Variants in ALOX5 observed in about 807,000 individuals in gnomAD.
ALOX5 encodes arachidonate 5-lipoxygenase.
A neutral mutation model predicts 87.9 loss-of-function variants in ALOX5; 64 were observed. The observed-to-expected ratio is 0.73, with a 90% confidence interval of 0.60 to 0.90. The LOEUF (loss-of-function observed/expected upper bound fraction) is 0.90. ALOX5 is among the 40% of genes least tolerant of loss of function. ALOX5 has a pLI of 0.00. For missense variants in ALOX5, 822 were observed against 907.5 expected (o/e 0.91, Z 1.21); for synonymous variants, 388 against 355.1 (o/e 1.09, Z -1.04).
At chr10:45,426,412 C>T (rs929122927) in intron 6 of ALOX5, among the ~76,000 whole-genome samples, 3 of 152,202 alleles carry the variant, frequency 2.0e-5, no homozygotes, top group Non-Finnish European at 4.4e-5. Context: ...CACACTGCCC[C>T]GTCTAATACA....
At chr10:45,379,580 G>A (rs1406075031) in intron 1 of ALOX5, among the ~76,000 whole-genome samples, 1 of 152,212 alleles carries the variant, frequency 6.6e-6, no homozygotes, top group African/African-American at 2.4e-5. Flanking sequence ...TCACGAAGTG[G>A]CCGTGACGCA....
At chr10:45,424,322 G>A (rs1327781170) in intron 5 of ALOX5, among the ~76,000 whole-genome samples, 175 bp downstream of exon 5, 2 of 152,092 alleles carry the variant, frequency 1.3e-5, no homozygotes, top group Non-Finnish European at 2.9e-5. Flanking sequence ...TACCATCACT[G>A]TGGTCACCCT....
chr10:45,374,492 G>A (rs1180259678), intron 1 of ALOX5, 63 bp downstream of exon 1: 13 of 1,393,542 alleles, frequency 9.3e-6, no homozygotes, highest in Admixed American at 3.3e-5. Context: ...CGGTTTGGAC[G>A]GCAGAGGCCT....
rs1028517162 is a variant in ALOX5 at position 45,374,741 on chromosome 10, C to T, written c.150+312C>T. ...TGGGAGGAGAAGGCCCAAGGTTTCC[C>T]CTCCACTTCAAGATCTGGGCTCCGA... On this transcript the variant is annotated intron_variant, in intron 1 of 13. Coordinates refer to ENST00000374391, the MANE Select transcript of ALOX5 (RefSeq NM_000698.5). 2.6e-4 allele frequency among the ~76,000 whole-genome samples: 39 copies of T among 152,170 alleles called. 1 individual carries two copies. The highest frequency in any genetic ancestry group is 7.4e-5 in the Non-Finnish European group (5 of 68,014).
At chr10:45,401,269 G>A (rs1564424270) in intron 3 of ALOX5, among the ~76,000 whole-genome samples, 1 of 152,080 alleles carries the variant, frequency 6.6e-6, no homozygotes, top group African/African-American at 2.4e-5. Flanking sequence ...GGGGCCTTTG[G>A]GAGCCAATAT....
chr10:45,427,607 C>T (rs1047681697), intron 6 of ALOX5, among the ~76,000 whole-genome samples: 1 of 152,230 alleles, frequency 6.6e-6, no homozygotes, highest in Non-Finnish European at 1.5e-5. Flanking sequence ...TCTGGGATGT[C>T]TCCAGGCAGA....
chr10:45,387,081 C>T (rs1840034048), intron 2 of ALOX5, among the ~76,000 whole-genome samples: 1 of 152,182 alleles, frequency 6.6e-6, no homozygotes, highest in African/African-American at 2.4e-5. Context: ...GGAGGGCTTT[C>T]CTGCATTCTC....
At position 45,409,852 on chromosome 10, in the gene ALOX5, G is replaced by A. The variant is rs1392896225; in HGVS notation, c.432-2339G>A. On this transcript the variant is annotated intron_variant, in intron 3 of 13. Coordinates refer to ENST00000374391, the MANE Select transcript of ALOX5 (RefSeq NM_000698.5). The stretch of plus-strand genomic sequence containing the variant: ...GACATAAACATTTGGTTTCAGGGGG[G>A]CAGTAGTGAACTAGCAAGCAAGCTG... 2.6e-5 allele frequency among the ~76,000 whole-genome samples: 4 copies of A among 152,222 alleles called. No individual in the cohort carries two copies. In the East Asian group the frequency reaches 7.7e-4, roughly 29 times the overall value.
intron 3 of ALOX5, among the ~76,000 whole-genome samples, chr10:45,411,880 C>A (rs1841076325): frequency 1.3e-5 from 2 of 152,204 alleles, no homozygotes; most frequent in Non-Finnish European, 2.9e-5. Flanking sequence ...TTCAATGTCA[C>A]CTCTAGTAAG....
At chr10:45,409,686 G>A (rs749855687) in intron 3 of ALOX5, among the ~76,000 whole-genome samples, 8 of 150,652 alleles carry the variant, frequency 5.3e-5, no homozygotes, top group Non-Finnish European at 1.0e-4. Context: ...TGTTCCTTCT[G>A]CCTGGGTGTT....
At chr10:45,383,639 C>T (rs558672394) in intron 2 of ALOX5, among the ~76,000 whole-genome samples, 321 of 151,554 alleles carry the variant, frequency 2.1e-3, no homozygotes, top group Non-Finnish European at 3.6e-3. Flanking sequence ...ATGACTGTTA[C>T]CCCCATTTTA....
In ALOX5 at chr10:45,443,411, GC is replaced by G. The variant is rs1245503048; in HGVS notation, c.1452-3del. Reference sequence around the variant, plus strand: ...CGCCCACCCCGGCTGCGCCCCCTGAGCCAGGTTCACGGCCGAGGTGGTAGAC... The same window carrying G: ...CGCCCACCCCGGCTGCGCCCCCTGAGCAGGTTCACGGCCGAGGTGGTAGAC... On this transcript the variant is annotated splice_region_variant and splice_polypyrimidine_tract_variant and intron_variant, in intron 10 of 13. Transcript: ENST00000374391. 1.9e-6 allele frequency: 3 copies of G among 1,601,100 alleles called. No homozygotes were observed. The highest frequency in any genetic ancestry group is 1.7e-6 in the Non-Finnish European group (2 of 1,174,210).
At chr10:45,428,585 C>G (rs1161712551) in intron 6 of ALOX5, 33 bp from the exon 7 acceptor site, 8 of 1,612,308 alleles carry the variant, frequency 5.0e-6, no homozygotes, top group Non-Finnish European at 6.8e-6. Flanking sequence ...GTCTGCTGAG[C>G]CTGATTTGGA....
chr10:45,445,564 C>T lies in ALOX5; in HGVS notation c.1902C>T (p.Ala634=). The change falls in exon 14 of 14, where the codon GCC becomes GCT. Residue 634 remains alanine (A), a synonymous_variant. Transcript: ENST00000374391. ...EHFIEKPVKE[A]MARFRKNLEA... ...TTATCGAGAAGCCTGTGAAGGAAGC[C>T]ATGGCCCGATTCCGCAAGAACCTCG... 1 of 1,614,184 alleles carries T rather than the reference C, an allele frequency of 6.2e-7. No homozygotes were observed. Among genetic ancestry groups the T allele is most frequent in the South Asian group, 1.1e-5 (1 of 91,084 alleles).
chr10:45,385,296 G>C (rs1172075970), intron 2 of ALOX5, among the ~76,000 whole-genome samples: 1 of 152,210 alleles, frequency 6.6e-6, no homozygotes, highest in Non-Finnish European at 1.5e-5. Context: ...GGGTGAACAT[G>C]AATGTCAGAG....
rs776942877 is a variant in ALOX5 at position 45,443,419 on chromosome 10, C to A, written c.1455C>A (p.Phe485Leu). ...GLLVWEAIRTFTAEVVDIYYE... is the reference protein window; with the variant it reads ...GLLVWEAIRTLTAEVVDIYYE... ...CCGGCTGCGCCCCCTGAGCCAGGTT[C>A]ACGGCCGAGGTGGTAGACATCTACT... The change falls in exon 11 of 14, where the codon TTC becomes TTA. Residue 485 changes from phenylalanine (F) to leucine (L), a missense_variant. By Grantham distance (22) the Phe-to-Leu change is conservative. Coordinates refer to ENST00000374391, the MANE Select transcript of ALOX5 (RefSeq NM_000698.5). 8.7e-6 allele frequency: 14 copies of A among 1,602,938 alleles called. No homozygotes were observed. In the Admixed American group the frequency reaches 1.9e-4, roughly 22 times the overall value.
chr10:45,440,318 C>T, intron 7 of ALOX5, 112 bp from the exon 8 acceptor site: 2 of 1,174,850 alleles, frequency 1.7e-6, no homozygotes, highest in Non-Finnish European at 2.4e-6. Flanking sequence ...ATTCCAAAGT[C>T]ACTGTTAAAG....
intron 2 of ALOX5, among the ~76,000 whole-genome samples, chr10:45,389,123 C>T (rs144152844): frequency 0.023 from 3,425 of 151,930 alleles, 124 homozygotes; most frequent in African/African-American, 0.078. Context: ...TGAAATGAAG[C>T]GAGAAGATAA....
chr10:45,415,025 G>T (rs1841222824), intron 4 of ALOX5, among the ~76,000 whole-genome samples: 1 of 152,352 alleles, frequency 6.6e-6, no homozygotes, highest in Middle Eastern at 3.4e-3. Context: ...AAGACAGTGT[G>T]ACGATTCCTC....
Sources: gnomAD v4.1 joint callset for allele counts (sites outside exome capture counted in the v4.1 genomes callset) on GRCh38, gnomAD v4.1.1 for gene constraint, MANE v1.5 for transcripts, NCBI Gene and HGNC (gene_info 2026-07-23, HGNC 2026-07-21) for gene names.